The following COL21A1 variants were observed in gnomAD, a reference collection of about 807,000 sequenced individuals.
COL21A1 encodes the protein collagen alpha-1(XXI) chain.
In COL21A1, 149 loss-of-function variants were observed where a neutral mutation model predicts 137.9. The ratio of observed to expected loss-of-function variants is 1.08; its 90% CI spans 0.95 to 1.24. The LOEUF (loss-of-function observed/expected upper bound fraction) is 1.24, where lower values mean the gene tolerates loss of function less well. Among genes scored for constraint, COL21A1 ranks in the 50% most tolerant of loss-of-function variants. COL21A1 has a pLI of 0.00. For synonymous variants in COL21A1, 456 were observed against 391.5 expected (o/e 1.16, Z -1.95); for missense variants, 1,167 against 1,158.4 (o/e 1.01, Z -0.11).
chr6:56,392,190 A>G (rs2094031002), intron 1 of COL21A1, among the ~76,000 whole-genome samples: 1 of 152,202 alleles, frequency 6.6e-6, no homozygotes, highest in Admixed American at 6.5e-5. Context: ...GGATAATTCA[A>G]CATACACAAA....
intron 1 of COL21A1, among the ~76,000 whole-genome samples, chr6:56,369,510 A>T (rs931125195): frequency 2.0e-5 from 3 of 152,138 alleles, no homozygotes; most frequent in African/African-American, 7.2e-5. Context: ...GAAAAAAAAT[A>T]AAGAAAAAAA....
At chr6:56,131,374 T>C (rs1027377930) in intron 12 of COL21A1, among the ~76,000 whole-genome samples, 1 of 151,158 alleles carries the variant, frequency 6.6e-6, no homozygotes, top group Non-Finnish European at 1.5e-5. Context: ...GCTCACAAAA[T>C]AATTGGCCAG....
In COL21A1 at chr6:56,337,879, T is replaced by C. The variant is rs116271760; in HGVS notation, c.-39+56092A>G. On this transcript the variant is annotated intron_variant, in intron 1 of 28. Coordinates refer to the COL21A1 transcript ENST00000370819. ...CGATTTTAAAAACATAGTTTCACAT[T>C]CACTGTAATGCTCATCTCTTCCCTT... is the stretch of plus-strand genomic sequence containing the variant. Among the ~76,000 whole-genome samples the C allele has an allele frequency of 2.4e-3, 362 of 152,248 alleles. 2 individuals are homozygous for C. Among genetic ancestry groups the C allele is most frequent in the Non-Finnish European group, 4.0e-3 (270 of 68,010 alleles).
intron 17 of COL21A1, among the ~76,000 whole-genome samples, chr6:56,099,268 C>T (rs1770210406): frequency 1.7e-5 from 2 of 118,566 alleles, no homozygotes; most frequent in Admixed American, 2.1e-4. Context: ...GAGTTTAGCT[C>T]TGTCGCCCAG....
chr6:56,211,392 T>C (rs1386395390), intron 1 of COL21A1, among the ~76,000 whole-genome samples: 5 of 151,960 alleles, frequency 3.3e-5, no homozygotes, highest in Non-Finnish European at 7.4e-5. Context: ...GTTAGTCTTG[T>C]TTTACTCTTA....
chr6:56,109,732 G>A (rs1319168356), intron 16 of COL21A1, among the ~76,000 whole-genome samples: 1 of 151,802 alleles, frequency 6.6e-6, no homozygotes, highest in Non-Finnish European at 1.5e-5. Context: ...CAAGAATAAG[G>A]CAATATTGTA....
At chr6:56,087,061 C>CTTTTGTTTTGTTTTG (rs58458377) in intron 17 of COL21A1, among the ~76,000 whole-genome samples, 1 of 148,884 alleles carries the variant, frequency 6.7e-6, no homozygotes, top group Non-Finnish European at 1.5e-5. Context: ...GTCCCTTCAC[C>CTTTTGTTTTGTTTTG]TTTTGTTTTG....
intron 1 of COL21A1, among the ~76,000 whole-genome samples, chr6:56,365,792 G>T (rs1020354607): frequency 6.6e-6 from 1 of 152,008 alleles, no homozygotes; most frequent in African/African-American, 2.4e-5. Context: ...TGACCTGATG[G>T]GTTTAACTCT....
At chr6:56,197,472 T>C (rs1392744938) in intron 1 of COL21A1, among the ~76,000 whole-genome samples, 4 of 152,008 alleles carry the variant, frequency 2.6e-5, no homozygotes, top group Non-Finnish European at 5.9e-5. Context: ...TGATAAAGAA[T>C]TAGTATCTAA....
intron 1 of COL21A1, among the ~76,000 whole-genome samples, chr6:56,257,536 C>A (rs1763131559): frequency 6.6e-6 from 1 of 151,596 alleles, no homozygotes. Flanking sequence ...AAGAAAAAAC[C>A]CCCAAAGCCC....
intron 12 of COL21A1, among the ~76,000 whole-genome samples, chr6:56,130,167 A>ATATATATT (rs1773414594): frequency 3.9e-5 from 3 of 76,934 alleles, no homozygotes; most frequent in African/African-American, 5.6e-5. Flanking sequence ...ACAGGGTTTT[A>ATATATATT]TATATATATA....
At chr6:56,170,407 G>A (rs1561942035) in intron 5 of COL21A1, among the ~76,000 whole-genome samples, 1 of 151,884 alleles carries the variant, frequency 6.6e-6, no homozygotes, top group Non-Finnish European at 1.5e-5. Flanking sequence ...AATTAAATGT[G>A]CCTGGTACCT....
chr6:56,223,840 G>A (rs16887695), intron 1 of COL21A1, among the ~76,000 whole-genome samples: 3,607 of 152,038 alleles, frequency 0.024, 83 homozygotes, highest in East Asian at 0.074. Flanking sequence ...ATTGATACAT[G>A]CATTAAGATT....
At chr6:56,141,596 A>G (rs1774413560) in intron 12 of COL21A1, among the ~76,000 whole-genome samples, 189 bp downstream of exon 12, 1 of 152,220 alleles carries the variant, frequency 6.6e-6, no homozygotes, top group Non-Finnish European at 1.5e-5. Context: ...ATAGTGGTCA[A>G]TGATAACTTC....
chr6:56,193,760 GTT>G (rs138831794), intron 1 of COL21A1, among the ~76,000 whole-genome samples: 93,814 of 147,582 alleles, frequency 0.64, 29,674 homozygotes, highest in East Asian at 0.86. Flanking sequence ...AGGTTTTTTT[GTT>G]TTTTTTTTTT....
chr6:56,170,803 A>C lies in COL21A1; in HGVS notation c.872T>G (p.Val291Gly). The C allele has an allele frequency of 6.2e-7, 1 of 1,610,636 alleles. No individual in the cohort carries two copies. The highest frequency in any genetic ancestry group is 8.5e-7 in the Non-Finnish European group (1 of 1,177,882). ...TCTCCATAAATCCCAAATTTTCTTG[A>C]CTTTAAATCTTTGAGTAGACACAAA... The part of the protein sequence containing the change: ...YVFVSTQRFK[V>G]KKIWDLWRIL... Residue 291 changes from valine (V) to glycine (G), a missense_variant, in exon 5 of 30, where the codon GTC becomes GGC. Transcript: ENST00000244728.
At chr6:56,207,122 T>G (rs1395221382) in intron 1 of COL21A1, among the ~76,000 whole-genome samples, 1 of 151,604 alleles carries the variant, frequency 6.6e-6, no homozygotes, top group East Asian at 1.9e-4. Context: ...ACATCAAAAT[T>G]AAAAGAACTA....
intron 10 of COL21A1, among the ~76,000 whole-genome samples, chr6:56,147,355 T>G (rs988012937): frequency 6.6e-6 from 1 of 150,538 alleles, no homozygotes; most frequent in Non-Finnish European, 1.5e-5. Context: ...GGTTGGGGGG[T>G]TGTTTTTTGC....
At chr6:56,272,009 T>A (rs1763538896) in intron 1 of COL21A1, among the ~76,000 whole-genome samples, 1 of 152,178 alleles carries the variant, frequency 6.6e-6, no homozygotes, top group Non-Finnish European at 1.5e-5. Flanking sequence ...GGAGAACCTC[T>A]ACTAGGGCAG....
Sources: allele counts gnomAD v4.1 joint callset (sites outside exome capture counted in the v4.1 genomes callset), GRCh38; gene constraint gnomAD v4.1.1; transcripts MANE v1.5; gene names NCBI Gene and HGNC (gene_info 2026-07-23, HGNC 2026-07-21).